LRP12: variants seen among roughly 807,000 people sequenced by gnomAD.
LRP12 encodes LDL receptor related protein 12, also known as low-density lipoprotein receptor-related protein 12.
In LRP12, 14 loss-of-function variants were observed where a neutral mutation model predicts 66.0. The observed-to-expected ratio is 0.21, with a 90% CI of 0.14 to 0.33. LRP12 has a LOEUF of 0.33. Ranked by LOEUF, LRP12 falls within the 10% of genes least tolerant of loss-of-function variation. The probability of loss-of-function intolerance (pLI) is 1.00; values close to 1 mark genes in which losing one functional copy is unlikely to be tolerated. For synonymous variants in LRP12, 357 were observed against 359.1 expected, an observed-to-expected ratio of 0.99 and a Z score of 0.07; for missense variants, 889 against 1,053.4, an observed-to-expected ratio of 0.84 and a Z score of 2.16.
At chr8:104,567,923 T>G (rs1812029964) in intron 1 of LRP12, among the ~76,000 whole-genome samples, 1 of 152,164 alleles carries the variant, frequency 6.6e-6, no homozygotes, top group Admixed American at 6.5e-5. Flanking sequence ...ATGGATAAAC[T>G]AATCCTAAAA....
intron 3 of LRP12, among the ~76,000 whole-genome samples, chr8:104,499,889 T>C (rs1157255870): frequency 6.6e-6 from 1 of 152,162 alleles, no homozygotes; most frequent in Non-Finnish European, 1.5e-5. Context: ...CTCCCCAATC[T>C]GATGAATTGA....
At chr8:104,540,125 T>C (rs1811453631) in intron 1 of LRP12, among the ~76,000 whole-genome samples, 1 of 151,462 alleles carries the variant, frequency 6.6e-6, no homozygotes, top group Non-Finnish European at 1.5e-5. Flanking sequence ...CCAAGAAGGC[T>C]GGTGTCCTCT....
At chr8:104,548,149 TATATTAA>T (rs1464829614) in intron 1 of LRP12, among the ~76,000 whole-genome samples, 13 of 84,046 alleles carry the variant, frequency 1.5e-4, no homozygotes, top group African/African-American at 6.5e-4. Context: ...AATTATATTA[TATATTAA>T]TAATTATTAT....
chr8:104,533,137 TGA>T (rs1366626852), intron 1 of LRP12, among the ~76,000 whole-genome samples: 1 of 152,012 alleles, frequency 6.6e-6, no homozygotes, highest in Non-Finnish European at 1.5e-5. Context: ...GTGGAAATGA[TGA>T]GATAGGTGGG....
chr8:104,509,037 A>G lies in LRP12; in HGVS notation c.174T>C (p.Ser58=). ...GCCAGCCTGGGCTTGTGATTATGCC[A>G]CTTGGTGCTCGTATTTGCTCTGGAG... ...GETPEQIRAP[S]GIITSPGWPS... Residue 58 remains serine (S), a synonymous_variant, in exon 3 of 7, where the codon AGT becomes AGC. Coordinates refer to ENST00000276654, the MANE Select transcript of LRP12 (RefSeq NM_013437.5). 6.2e-7 allele frequency: 1 copy of G among 1,613,932 alleles called. No homozygotes were observed. Among genetic ancestry groups the G allele is most frequent in the East Asian group, 2.2e-5 (1 of 44,864 alleles).
rs1811233426 is a variant in LRP12 at position 104,526,079 on chromosome 8, C to T, written c.136+5828G>A. Among the ~76,000 whole-genome samples, 8 of 152,206 alleles carry T rather than the reference C, an allele frequency of 5.3e-5. No homozygotes were observed. The South Asian group carries it at 1.7e-3, about 32-fold the overall frequency. ...CAAATCATGAGCGAACTCCCATTCA[C>T]AATTGCTTCAAAGAGAATAAAATAC... On this transcript the variant is annotated intron_variant, in intron 2 of 6. Coordinates refer to ENST00000276654, the MANE Select transcript of LRP12 (RefSeq NM_013437.5).
chr8:104,528,577 C>A (rs1394152269), intron 2 of LRP12, among the ~76,000 whole-genome samples: 1 of 152,128 alleles, frequency 6.6e-6, no homozygotes, highest in Non-Finnish European at 1.5e-5. Flanking sequence ...GAGTTTGAGA[C>A]CAGCCTGGCC....
At chr8:104,544,814 G>A (rs1382716460) in intron 1 of LRP12, among the ~76,000 whole-genome samples, 1 of 152,048 alleles carries the variant, frequency 6.6e-6, no homozygotes, top group Non-Finnish European at 1.5e-5. Flanking sequence ...GATATATAAG[G>A]AAATCCACAT....
chr8:104,547,843 A>G (rs1260686425), intron 1 of LRP12, among the ~76,000 whole-genome samples: 2 of 94,192 alleles, frequency 2.1e-5, no homozygotes, highest in African/African-American at 7.9e-5. Flanking sequence ...ATATAATTCT[A>G]TGTTATATTT....
chr8:104,539,496 CA>C (rs34124299), intron 1 of LRP12, among the ~76,000 whole-genome samples: 16 of 149,516 alleles, frequency 1.1e-4, no homozygotes, highest in Admixed American at 2.7e-4. Flanking sequence ...ATTTTTTAAA[CA>C]AAAAAAAACC....
chr8:104,551,122 AATAC>A (rs1811718364), intron 1 of LRP12, among the ~76,000 whole-genome samples: 1 of 152,114 alleles, frequency 6.6e-6, no homozygotes, highest in African/African-American at 2.4e-5. Flanking sequence ...GCACTACTAA[AATAC>A]ATACAGTTTC....
At chr8:104,559,429 A>G (rs1053705994) in intron 1 of LRP12, among the ~76,000 whole-genome samples, 1 of 151,174 alleles carries the variant, frequency 6.6e-6, no homozygotes, top group African/African-American at 2.5e-5. Context: ...CATAAGAATG[A>G]TACAATGGAC....
chr8:104,566,720 C>A (rs1248939268), intron 1 of LRP12, among the ~76,000 whole-genome samples: 4 of 151,950 alleles, frequency 2.6e-5, no homozygotes, highest in Non-Finnish European at 5.9e-5. Context: ...AGGCCATAAT[C>A]AAAAAGTAGA....
chr8:104,587,678 A>G (rs1014111056), intron 1 of LRP12, among the ~76,000 whole-genome samples: 5 of 152,224 alleles, frequency 3.3e-5, no homozygotes, highest in Non-Finnish European at 7.3e-5. Flanking sequence ...TTCCGTAGAT[A>G]AATGCCTTCA....
intron 1 of LRP12, among the ~76,000 whole-genome samples, chr8:104,580,664 C>A (rs1457258541): frequency 6.6e-6 from 1 of 152,132 alleles, no homozygotes; most frequent in Non-Finnish European, 1.5e-5. Context: ...ATACATACAG[C>A]CAACAATCAT....
chr8:104,560,599 T>C (rs1811891757), intron 1 of LRP12, among the ~76,000 whole-genome samples: 1 of 152,204 alleles, frequency 6.6e-6, no homozygotes, highest in Non-Finnish European at 1.5e-5. Flanking sequence ...ATTTTTCTTT[T>C]TGTGAAGTAT....
chr8:104,510,661 C>A (rs983621999), intron 2 of LRP12, among the ~76,000 whole-genome samples: 3 of 152,122 alleles, frequency 2.0e-5, no homozygotes, highest in Non-Finnish European at 2.9e-5. Context: ...TTTAAAGTAA[C>A]AGCAGATTAG....
chr8:104,508,664 CTATTTTGCAAATGTCTA>C (rs1810944071), intron 3 of LRP12: 1 of 257,042 alleles, frequency 3.9e-6, no homozygotes, highest in Non-Finnish European at 7.4e-6. Flanking sequence ...CCCTAATAGG[CTATTTTGCAAATGTCTA>C]TATTTTGTTA....
intron 1 of LRP12, among the ~76,000 whole-genome samples, chr8:104,583,368 C>T (rs1812285077): frequency 6.6e-6 from 1 of 152,074 alleles, no homozygotes; most frequent in Admixed American, 6.5e-5. Flanking sequence ...CAGCTCTTTC[C>T]TGATCCTGGG....
Sources: allele counts gnomAD v4.1 joint callset (sites outside exome capture counted in the v4.1 genomes callset), GRCh38; gene constraint gnomAD v4.1.1; transcripts MANE v1.5; gene names NCBI Gene and HGNC (gene_info 2026-07-23, HGNC 2026-07-21).